DIAPH2: variants seen among roughly 807,000 people sequenced by gnomAD.
DIAPH2 encodes the protein diaphanous related formin 2, also known as protein diaphanous homolog 2.
A neutral mutation model predicts 92.7 loss-of-function variants in DIAPH2; 35 were observed. That is an observed-to-expected ratio of 0.38 (90% CI 0.29 to 0.50). The LOEUF is 0.50. Ranked by LOEUF, DIAPH2 falls within the 20% of genes least tolerant of loss-of-function variation. The pLI is 0.94. For synonymous variants in DIAPH2, 301 were observed against 280.4 expected (o/e 1.07, Z -0.73); for missense variants, 701 against 819.5 (o/e 0.86, Z 1.77).
At chrX:97,382,345 C>T (rs1602550688) in intron 24 of DIAPH2, among the ~76,000 whole-genome samples, 1 of 112,215 alleles carries the variant, frequency 8.9e-6, no homozygotes, top group African/African-American at 3.2e-5. Context: ...AATCCCAGCA[C>T]ACTGGGAGGC....
chrX:96,741,097 T>G (rs2064116555), intron 3 of DIAPH2, among the ~76,000 whole-genome samples: 1 of 108,828 alleles, frequency 9.2e-6, no homozygotes, highest in Non-Finnish European at 1.9e-5. Flanking sequence ...GAAATTTTCA[T>G]GTCCGCATTC....
At chrX:97,479,066 G>C (rs1247507087) in intron 26 of DIAPH2, among the ~76,000 whole-genome samples, 1 of 111,610 alleles carries the variant, frequency 9.0e-6, no homozygotes, top group African/African-American at 3.3e-5. Context: ...CTTTGAAGTA[G>C]GCAATTTACC....
chrX:96,958,725 C>T (rs765274191), intron 16 of DIAPH2, among the ~76,000 whole-genome samples: 49 of 111,359 alleles, frequency 4.4e-4, no homozygotes, highest in Middle Eastern at 9.1e-3. Context: ...CTTCACCCTC[C>T]CACCTCCCAC....
At chrX:97,249,619 T>C (rs371816093) in intron 23 of DIAPH2, among the ~76,000 whole-genome samples, 247 of 112,389 alleles carry the variant, frequency 2.2e-3, no homozygotes, top group African/African-American at 7.4e-3. Flanking sequence ...CAAGTTATTC[T>C]TCCTTTGAAA....
chrX:96,884,606 C>T (rs745560952), intron 5 of DIAPH2: 76 of 1,207,492 alleles, frequency 6.3e-5, no homozygotes, highest in Non-Finnish European at 7.9e-5. Context: ...GATATGACCG[C>T]GAAACCAATC....
chrX:97,493,660 C>T (rs963268995), intron 26 of DIAPH2, among the ~76,000 whole-genome samples: 4 of 110,347 alleles, frequency 3.6e-5, no homozygotes, highest in Admixed American at 2.9e-4. Flanking sequence ...AGGTGGATCA[C>T]TTGAGGTCAG....
intron 23 of DIAPH2, among the ~76,000 whole-genome samples, chrX:97,343,179 T>G (rs775329188): frequency 5.0e-4 from 56 of 111,583 alleles, no homozygotes; most frequent in Non-Finnish European, 7.0e-4. Context: ...TTTAAAAAAT[T>G]CAAGTAGAGA....
chrX:96,773,234 GT>G (rs200899915), intron 4 of DIAPH2, among the ~76,000 whole-genome samples: 9 of 93,230 alleles, frequency 9.7e-5, no homozygotes, highest in East Asian at 4.2e-4. Context: ...CGGCTGAATT[GT>G]TTCCCCCCCC....
chrX:97,551,720 T>C (rs2071221524), intron 26 of DIAPH2, among the ~76,000 whole-genome samples: 1 of 111,788 alleles, frequency 8.9e-6, no homozygotes, highest in African/African-American at 3.2e-5. Context: ...TGTAATACTA[T>C]TTTTAGGAGG....
chrX:97,018,776 A>C (rs1418048907), intron 17 of DIAPH2, among the ~76,000 whole-genome samples: 1 of 111,464 alleles, frequency 9.0e-6, no homozygotes, highest in Non-Finnish European at 1.9e-5. Context: ...TACATTACTA[A>C]AGTCCATAGT....
chrX:97,047,149 A>G (rs147686802), intron 17 of DIAPH2, among the ~76,000 whole-genome samples: 4,101 of 111,418 alleles, frequency 0.037, 88 homozygotes, highest in Middle Eastern at 0.083. Flanking sequence ...CTGAAGATTA[A>G]ATGGAAAAGA....
At chrX:97,008,586 G>A (rs2066201187) in intron 17 of DIAPH2, among the ~76,000 whole-genome samples, 1 of 111,502 alleles carries the variant, frequency 9.0e-6, no homozygotes, top group South Asian at 3.8e-4. Flanking sequence ...TATTTGAAGG[G>A]ACCTGACTAT....
chrX:97,284,708 A>AT (rs1320385529), intron 23 of DIAPH2, among the ~76,000 whole-genome samples: 2 of 110,854 alleles, frequency 1.8e-5, no homozygotes, highest in Non-Finnish European at 3.8e-5. Flanking sequence ...CATCAGGCAC[A>AT]TTTTTTTCTC....
intron 18 of DIAPH2, among the ~76,000 whole-genome samples, chrX:97,073,479 A>G (rs1247004105): frequency 8.9e-6 from 1 of 112,340 alleles, no homozygotes; most frequent in Non-Finnish European, 1.9e-5. Flanking sequence ...GTTAACCTTA[A>G]CTGCATTTAA....
chrX:97,579,918 CT>C (rs1027137195), intron 26 of DIAPH2, among the ~76,000 whole-genome samples: 3 of 109,486 alleles, frequency 2.7e-5, no homozygotes, highest in Non-Finnish European at 5.7e-5. Context: ...CTATTTTCTT[CT>C]CTTTGAGGCA....
Position 97,006,130 on chromosome X carries a change from T to C in DIAPH2, c.2050+40923T>C, listed in dbSNP as rs141639040. On this transcript the variant is annotated intron_variant, in intron 17 of 26. Transcript: ENST00000324765. ...TGTATAGTTTCCAAAATTCCCTTTG[T>C]TATTGATTTCTAGTTTTATTCCATT... Among the ~76,000 whole-genome samples, 847 of 111,718 alleles carry C rather than the reference T, an allele frequency of 7.6e-3. 7 individuals carry two copies. The highest frequency in any genetic ancestry group is 0.028 in the Middle Eastern group (6 of 216).
chrX:97,055,136 C>G (rs1035302804), intron 17 of DIAPH2, among the ~76,000 whole-genome samples: 3 of 104,393 alleles, frequency 2.9e-5, no homozygotes, highest in Non-Finnish European at 5.9e-5. Flanking sequence ...AGGTCTTATT[C>G]TGTTGTCTGG....
At chrX:96,788,670 T>G (rs1218939743) in intron 4 of DIAPH2, among the ~76,000 whole-genome samples, 1 of 112,483 alleles carries the variant, frequency 8.9e-6, no homozygotes, top group African/African-American at 3.2e-5. Flanking sequence ...TCAGGGACTG[T>G]CATATCCAAG....
intron 1 of DIAPH2, among the ~76,000 whole-genome samples, chrX:96,699,998 A>G (rs1365812408): frequency 9.0e-6 from 1 of 111,474 alleles, no homozygotes; most frequent in African/African-American, 3.3e-5. Flanking sequence ...CATCATCTAT[A>G]TGAATTTTAT....
Sources: gnomAD v4.1 joint callset for allele counts (sites outside exome capture counted in the v4.1 genomes callset) on GRCh38, gnomAD v4.1.1 for gene constraint, MANE v1.5 for transcripts, NCBI Gene and HGNC (gene_info 2026-07-23, HGNC 2026-07-21) for gene names.